Variants in KANK1 observed in about 807,000 individuals in gnomAD.
KANK1 encodes KN motif and ankyrin repeat domains 1, also known as KN motif and ankyrin repeat domain-containing protein 1.
A neutral mutation model predicts 106.2 loss-of-function variants in KANK1; 109 were observed. The observed-to-expected ratio is 1.03, with a 90% CI of 0.88 to 1.20. KANK1 has a LOEUF of 1.20. Ranked by LOEUF, KANK1 falls within the 50% of genes most tolerant of loss-of-function variation. KANK1 has a pLI of 0.00. For missense variants in KANK1, 2,399 were observed against 1,710.7 expected, an observed-to-expected ratio of 1.40 and a Z score of -7.10; for synonymous variants, 873 against 652.2, an observed-to-expected ratio of 1.34 and a Z score of -5.16.
intron 1 of KANK1, among the ~76,000 whole-genome samples, chr9:633,285 T>C (rs1836237062): frequency 6.6e-6 from 1 of 151,824 alleles, no homozygotes; most frequent in Non-Finnish European, 1.5e-5. Context: ...TGAAATCGCA[T>C]CTCTACTAAA....
rs933876975 is a variant in KANK1 at position 564,902 on chromosome 9, G to C, written c.-84+60148G>C. 2.0e-5 allele frequency among the ~76,000 whole-genome samples: 3 copies of C among 152,338 alleles called. No homozygotes were observed. In the East Asian group the frequency reaches 5.8e-4, roughly 29 times the overall value. The stretch of plus-strand genomic sequence containing the variant: ...GGGAAGCCCACTCTGGTCCACACAG[G>C]TGACTGCATGAAGTGGGAAATGAAG... On this transcript the variant is annotated intron_variant, in intron 1 of 11. Coordinates refer to ENST00000382297, the MANE Select transcript of KANK1 (RefSeq NM_015158.5).
intron 1 of KANK1, among the ~76,000 whole-genome samples, chr9:634,402 A>G (rs1836564734): frequency 6.6e-6 from 1 of 152,152 alleles, no homozygotes; most frequent in East Asian, 1.9e-4. Context: ...CCTGAATGCA[A>G]AAGTCTGACA....
intron 1 of KANK1, among the ~76,000 whole-genome samples, chr9:668,717 GC>G (rs1234976676): frequency 8.7e-4 from 132 of 152,184 alleles, no homozygotes; most frequent in Non-Finnish European, 5.1e-4. Context: ...AGAGATGACA[GC>G]TTATCTTAGA....
rs560597206 is a variant in KANK1, at chr9:702,131, G to C, written c.38-8673G>C. On this transcript the variant is annotated intron_variant, in intron 2 of 11. Transcript: ENST00000382297. ...TTTCTTTAATCGATGCCGTTGCATT[G>C]GTGTTTGGTTACCCCAAATTGCAGA... 1.9e-4 allele frequency among the ~76,000 whole-genome samples: 29 copies of C among 152,248 alleles called. No homozygotes were observed. In the East Asian group the frequency reaches 5.6e-3, roughly 29 times the overall value.
chr9:568,301 G>C (rs528610477), intron 1 of KANK1, among the ~76,000 whole-genome samples: 42 of 152,192 alleles, frequency 2.8e-4, no homozygotes, highest in African/African-American at 9.4e-4. Flanking sequence ...ATCATACCCA[G>C]TTTTCAACCT....
At chr9:526,694 T>C (rs920409125) in intron 1 of KANK1, among the ~76,000 whole-genome samples, 1 of 151,822 alleles carries the variant, frequency 6.6e-6, no homozygotes, top group Non-Finnish European at 1.5e-5. Flanking sequence ...CCCACCTGAT[T>C]CCCTCTCCTC....
chr9:715,138 G>A (rs1179720557), intron 3 of KANK1, among the ~76,000 whole-genome samples: 2 of 152,140 alleles, frequency 1.3e-5, no homozygotes, highest in African/African-American at 4.8e-5. Flanking sequence ...CAGTTAGTTT[G>A]TTGTGGAAGA....
intron 2 of KANK1, chr9:686,941 G>A (rs1818720802): frequency 1.0e-6 from 1 of 984,876 alleles, no homozygotes; most frequent in East Asian, 1.1e-4. Context: ...GCTTAGGGCT[G>A]GGGGCTTTTC....
intron 1 of KANK1, among the ~76,000 whole-genome samples, chr9:608,034 A>ATTTTTTTTTTT (rs35949327): frequency 6.9e-5 from 8 of 115,352 alleles, no homozygotes; most frequent in African/African-American, 3.0e-4. Flanking sequence ...TATTATTATT[A>ATTTTTTTTTTT]TTTTTTTTTT....
At chr9:744,974 G>GT in intron 11 of KANK1, 199 bp from the exon 12 acceptor site, 5 of 1,478,646 alleles carry the variant, frequency 3.4e-6, no homozygotes, top group Non-Finnish European at 4.5e-6. Context: ...TGACTTCCCA[G>GT]GACAGCCGGA....
At chr9:551,624 G>A (rs533409282) in intron 1 of KANK1, among the ~76,000 whole-genome samples, 68 of 152,262 alleles carry the variant, frequency 4.5e-4, no homozygotes, top group African/African-American at 1.6e-3. Context: ...TGCTCCAGAC[G>A]CTCCACTTGG....
chr9:598,916 G>T (rs1164881270), intron 1 of KANK1, among the ~76,000 whole-genome samples: 1 of 149,686 alleles, frequency 6.7e-6, no homozygotes, highest in Non-Finnish European at 1.5e-5. Context: ...ACGGGCATGA[G>T]CCACCATGCC....
chr9:645,286 A>G (rs1839413505), intron 1 of KANK1, among the ~76,000 whole-genome samples: 1 of 148,972 alleles, frequency 6.7e-6, no homozygotes, highest in Admixed American at 6.6e-5. Flanking sequence ...ACAAAACTAC[A>G]AAAATTAGCA....
chr9:742,508 C>T, intron 10 of KANK1, 103 bp downstream of exon 10: 1 of 831,382 alleles, frequency 1.2e-6, no homozygotes, highest in Non-Finnish European at 1.9e-6. Context: ...CTCCTCTATT[C>T]TCCTCTGGGA....
At chr9:507,938 C>G (rs2058841211) in intron 1 of KANK1, among the ~76,000 whole-genome samples, 1 of 151,690 alleles carries the variant, frequency 6.6e-6, no homozygotes, top group African/African-American at 2.4e-5. Context: ...CCCACCTCAG[C>G]CTCCCAAAGT....
intron 1 of KANK1, among the ~76,000 whole-genome samples, chr9:662,181 A>T (rs1228241315): frequency 2.0e-5 from 3 of 152,206 alleles, no homozygotes; most frequent in Admixed American, 6.5e-5. Context: ...AAAAGAGGAC[A>T]CAGACAAATG....
Position 498,943 on chromosome 9 carries a change from C to T in KANK1, c.-362+25670C>T, listed in dbSNP as rs188434187. Among the ~76,000 whole-genome samples the T allele has an allele frequency of 2.6e-3, 388 of 152,126 alleles. 2 individuals are homozygous for T. The highest frequency in any genetic ancestry group is 9.1e-3 in the African/African-American group (377 of 41,480). The stretch of plus-strand genomic sequence containing the variant: ...CTTTAATCCCAGCACTTTGGGAGGC[C>T]GAGGAGGGTGGATCACGAGGTCAGG... On this transcript the variant is annotated intron_variant, in intron 3 of 15. Transcript: ENST00000382303.
intron 2 of KANK1, among the ~76,000 whole-genome samples, chr9:689,455 C>G (rs895335886): frequency 2.6e-5 from 4 of 152,174 alleles, no homozygotes; most frequent in Admixed American, 6.5e-5. Flanking sequence ...AAAATCTCCC[C>G]TCATGTTAAG....
intron 1 of KANK1, among the ~76,000 whole-genome samples, chr9:507,681 C>G (rs561646624): frequency 1.6e-4 from 24 of 151,806 alleles, no homozygotes; most frequent in African/African-American, 5.8e-4. Flanking sequence ...CTCAGCCTCC[C>G]GAGTAGCTGG....
Sources: allele counts gnomAD v4.1 joint callset (sites outside exome capture counted in the v4.1 genomes callset), GRCh38; gene constraint gnomAD v4.1.1; transcripts MANE v1.5; gene names NCBI Gene and HGNC (gene_info 2026-07-23, HGNC 2026-07-21).